GABRB1: variants seen among roughly 807,000 people sequenced by gnomAD.
GABRB1 encodes the protein gamma-aminobutyric acid type A receptor subunit beta1.
GABRB1 carries 17 observed loss-of-function variants against 51.6 expected under a neutral mutation model. That is an observed-to-expected ratio of 0.33 (90% CI 0.23 to 0.49). GABRB1 has a LOEUF of 0.49. Among genes scored for constraint, GABRB1 ranks in the 20% least tolerant of loss-of-function variants. The pLI is 0.99. For missense variants in GABRB1, 410 were observed against 600.6 expected (o/e 0.68, Z 3.32); for synonymous variants, 247 against 218.9 (o/e 1.13, Z -1.14).
chr4:47,358,087 C>G (rs1726653188), intron 5 of GABRB1, among the ~76,000 whole-genome samples: 1 of 152,028 alleles, frequency 6.6e-6, no homozygotes, highest in African/African-American at 2.4e-5. Context: ...GGTTAAATGG[C>G]TTGCTTAAAG....
chr4:47,055,018 C>A (rs1156951699), intron 3 of GABRB1, among the ~76,000 whole-genome samples: 2 of 152,146 alleles, frequency 1.3e-5, no homozygotes, highest in Non-Finnish European at 2.9e-5. Flanking sequence ...ATGGCAGAAC[C>A]TGAACTGTTA....
intron 3 of GABRB1, among the ~76,000 whole-genome samples, chr4:47,108,707 T>C (rs996905940): frequency 5.9e-5 from 9 of 152,194 alleles, no homozygotes; most frequent in African/African-American, 2.2e-4. Flanking sequence ...TTAGTGAATA[T>C]TAGTTTTTAC....
At chr4:47,333,246 T>C (rs949943747) in intron 5 of GABRB1, among the ~76,000 whole-genome samples, 2 of 139,794 alleles carry the variant, frequency 1.4e-5, no homozygotes, top group African/African-American at 5.3e-5. Flanking sequence ...ACACACCACG[T>C]ATTAATATGA....
intron 4 of GABRB1, among the ~76,000 whole-genome samples, chr4:47,213,487 T>C (rs1720443713): frequency 6.6e-6 from 1 of 151,940 alleles, no homozygotes; most frequent in South Asian, 2.1e-4. Flanking sequence ...TCTCACACTC[T>C]CGCTTTCTCT....
intron 4 of GABRB1, among the ~76,000 whole-genome samples, chr4:47,230,489 G>A (rs1721101881): frequency 6.6e-6 from 1 of 152,144 alleles, no homozygotes; most frequent in South Asian, 2.1e-4. Context: ...ACACCCAGTG[G>A]CCCCCTTGGA....
rs943050327 is a variant in GABRB1 at position 47,148,105 on chromosome 4, A to G, written c.241-13144A>G. 1.1e-4 allele frequency among the ~76,000 whole-genome samples: 16 copies of G among 152,248 alleles called. 1 individual carries two copies. The highest frequency in any genetic ancestry group is 7.2e-4 in the Admixed American group (11 of 15,278). The stretch of plus-strand genomic sequence containing the variant: ...AATCAGGTGAGAAGTGATAAAGACC[A>G]AACTAGATAGTAGCAAGTATAGACA... On this transcript the variant is annotated intron_variant, in intron 3 of 8. Coordinates refer to ENST00000295454, the MANE Select transcript of GABRB1 (RefSeq NM_000812.4).
intron 4 of GABRB1, among the ~76,000 whole-genome samples, chr4:47,258,237 T>C (rs1222464230): frequency 6.6e-6 from 1 of 152,130 alleles, no homozygotes; most frequent in Non-Finnish European, 1.5e-5. Context: ...AACAGATGGA[T>C]GTTCAACTTT....
intron 8 of GABRB1, among the ~76,000 whole-genome samples, chr4:47,421,820 G>T (rs548077124): frequency 6.6e-6 from 1 of 152,048 alleles, no homozygotes; most frequent in South Asian, 2.1e-4. Context: ...CCAATATTAT[G>T]CTTCACTCTA....
At chr4:47,404,771 A>G (rs2110053137) in intron 7 of GABRB1, among the ~76,000 whole-genome samples, 1 of 152,316 alleles carries the variant, frequency 6.6e-6, no homozygotes, top group Middle Eastern at 3.4e-3. Context: ...ATCTGCACAT[A>G]TTACTTGAAC....
At chr4:47,004,098 C>G (rs1724311195) in intron 1 of GABRB1, among the ~76,000 whole-genome samples, 1 of 152,072 alleles carries the variant, frequency 6.6e-6, no homozygotes, top group Non-Finnish European at 1.5e-5. Flanking sequence ...AAGCGGTTCC[C>G]CTGCCTCAGC....
intron 4 of GABRB1, among the ~76,000 whole-genome samples, chr4:47,294,232 T>G (rs946627929): frequency 6.6e-6 from 1 of 152,252 alleles, no homozygotes. Flanking sequence ...TTCATCTCAC[T>G]AGGGAGTGCC....
At chr4:47,306,731 A>G (rs1724485787) in intron 4 of GABRB1, among the ~76,000 whole-genome samples, 1 of 152,110 alleles carries the variant, frequency 6.6e-6, no homozygotes, top group East Asian at 1.9e-4. Context: ...TTTTGTAAGC[A>G]TCTCTTCTTT....
At chr4:47,188,860 A>G (rs1206091978) in intron 4 of GABRB1, among the ~76,000 whole-genome samples, 1 of 152,052 alleles carries the variant, frequency 6.6e-6, no homozygotes, top group Non-Finnish European at 1.5e-5. Flanking sequence ...TGGGCATTAC[A>G]ATAAATGTGC....
chr4:47,320,440 C>T (rs1725037745), intron 5 of GABRB1, among the ~76,000 whole-genome samples: 1 of 152,156 alleles, frequency 6.6e-6, no homozygotes, highest in South Asian at 2.1e-4. Context: ...ATACTTTCTC[C>T]TTCTCAGAAC....
At chr4:47,195,929 C>T (rs1719665764) in intron 4 of GABRB1, among the ~76,000 whole-genome samples, 1 of 152,224 alleles carries the variant, frequency 6.6e-6, no homozygotes, top group Non-Finnish European at 1.5e-5. Flanking sequence ...CAAAATGCAA[C>T]ACTGTTTCTG....
rs1200766526 is a variant in GABRB1, at chr4:47,381,444, C to T, written c.545-21874C>T. On this transcript the variant is annotated intron_variant, in intron 5 of 8. Transcript: ENST00000295454. ...TTCCAATGGGATGACTCTGAGATCT[C>T]TTTCAGGAACACTGGTTCTCTCCCC... is the stretch of plus-strand genomic sequence containing the variant. 2.0e-5 allele frequency among the ~76,000 whole-genome samples: 3 copies of T among 152,184 alleles called. 1 individual carries two copies. The highest frequency in any genetic ancestry group is 2.0e-4 in the Admixed American group (3 of 15,280).
At chr4:47,034,434 T>C (rs1013453067) in intron 3 of GABRB1, among the ~76,000 whole-genome samples, 4 of 152,118 alleles carry the variant, frequency 2.6e-5, no homozygotes, top group Non-Finnish European at 4.4e-5. Context: ...AATAATACAG[T>C]CTGTTTACTC....
intron 4 of GABRB1, among the ~76,000 whole-genome samples, chr4:47,308,469 T>G (rs1317859730): frequency 6.6e-6 from 1 of 152,076 alleles, no homozygotes; most frequent in Non-Finnish European, 1.5e-5. Flanking sequence ...CTATTTGGTT[T>G]TGGTTTTGTT....
intron 5 of GABRB1, among the ~76,000 whole-genome samples, chr4:47,341,800 C>A (rs1448619856): frequency 6.6e-6 from 1 of 152,126 alleles, no homozygotes; most frequent in Non-Finnish European, 1.5e-5. Context: ...CCCTTCCTTT[C>A]GTGAACATCC....
Sources: allele counts gnomAD v4.1 joint callset (sites outside exome capture counted in the v4.1 genomes callset), GRCh38; gene constraint gnomAD v4.1.1; transcripts MANE v1.5; gene names NCBI Gene and HGNC (gene_info 2026-07-23, HGNC 2026-07-21).